Variants in USH2A observed in about 807,000 individuals in gnomAD.
USH2A encodes Usher syndrome 2A (autosomal recessive, mild).
A neutral mutation model predicts 538.9 loss-of-function variants in USH2A; 443 were observed. The ratio of observed to expected loss-of-function variants is 0.82; its 90% confidence interval spans 0.76 to 0.89. The LOEUF (loss-of-function observed/expected upper bound fraction) is 0.89. Ranked by LOEUF, USH2A falls within the 40% of genes least tolerant of loss-of-function variation. The probability of loss-of-function intolerance (pLI) is 0.00; values close to 1 mark genes in which losing one functional copy is unlikely to be tolerated. For missense variants in USH2A, 6,633 were observed against 6,324.8 expected, an observed-to-expected ratio of 1.05 and a Z score of -1.65; for synonymous variants, 2,413 against 2,273.5, an observed-to-expected ratio of 1.06 and a Z score of -1.75.
In USH2A at chr1:215,675,083, C is replaced by T. The variant is rs1174250569; in HGVS notation, c.12828G>A (p.Met4276Ile). Residue 4276 changes from methionine (M) to isoleucine (I), a missense_variant, in exon 63 of 72, where the codon ATG becomes ATA. Transcript: ENST00000307340. ...AGGAAATCAGCAGTTTTTGGGGATT[C>T]ATAGAAACATAGGATATCACAGGTG... ...LSPPVISYVSMNPQKLLISWI... is the reference protein window; with the variant it reads ...LSPPVISYVSINPQKLLISWI... The T allele has an allele frequency of 6.8e-6, 11 of 1,613,946 alleles. No homozygotes were observed. The highest frequency in any genetic ancestry group is 1.3e-5 in the African/African-American group (1 of 74,904).
chr1:215,933,491 T>C (rs908365988), intron 38 of USH2A, among the ~76,000 whole-genome samples: 3 of 152,028 alleles, frequency 2.0e-5, no homozygotes, highest in African/African-American at 7.2e-5. Context: ...ATTTACAGTT[T>C]CAAGTATTTT....
intron 44 of USH2A, among the ~76,000 whole-genome samples, chr1:215,852,298 A>T (rs1056788217): frequency 2.0e-5 from 3 of 152,142 alleles, no homozygotes; most frequent in Non-Finnish European, 4.4e-5. Flanking sequence ...CCCTTTATAA[A>T]ACCATCAGAT....
intron 27 of USH2A, among the ~76,000 whole-genome samples, chr1:216,077,588 A>C (rs1013761136): frequency 6.7e-6 from 1 of 148,946 alleles, no homozygotes; most frequent in Non-Finnish European, 1.5e-5. Flanking sequence ...TATATATATA[A>C]TTATGTATGT....
intron 25 of USH2A, among the ~76,000 whole-genome samples, chr1:216,084,157 CA>C (rs1458249597): frequency 6.6e-6 from 1 of 151,952 alleles, no homozygotes; most frequent in Non-Finnish European, 1.5e-5. Context: ...GCATGCATGT[CA>C]GGGGTAAGCT....
intron 31 of USH2A, among the ~76,000 whole-genome samples, 184 bp downstream of exon 31, chr1:216,048,350 G>C (rs933880413): frequency 6.6e-6 from 1 of 152,148 alleles, no homozygotes; most frequent in Admixed American, 6.5e-5. Context: ...TGTCATTAAA[G>C]GGTATGGAGT....
intron 22 of USH2A, among the ~76,000 whole-genome samples, chr1:216,090,912 T>G (rs2032285365): frequency 6.6e-6 from 1 of 152,148 alleles, no homozygotes; most frequent in Admixed American, 6.6e-5. Context: ...GCGTTAAAAT[T>G]GTTACAAACG....
chr1:215,955,369 A>T (rs1312932399), intron 37 of USH2A, among the ~76,000 whole-genome samples: 1 of 152,218 alleles, frequency 6.6e-6, no homozygotes, highest in African/African-American at 2.4e-5. Flanking sequence ...AATTTAGCAC[A>T]ATAAAACAAC....
intron 30 of USH2A, among the ~76,000 whole-genome samples, chr1:216,051,767 A>C (rs1366597200): frequency 6.6e-6 from 1 of 152,252 alleles, no homozygotes; most frequent in Non-Finnish European, 1.5e-5. Flanking sequence ...TGCAATCATT[A>C]GCATGAAGAT....
chr1:216,016,069 C>A (rs1460643621), intron 32 of USH2A, among the ~76,000 whole-genome samples: 1 of 152,022 alleles, frequency 6.6e-6, no homozygotes, highest in East Asian at 1.9e-4. Context: ...TGGAAACCAT[C>A]ATTCTGGGCA....
rs1660511441 is a variant in USH2A at position 215,747,713 on chromosome 1, G to T, written c.11390-4378C>A. ...CAGTTTGCAATTTGACCTTCAGCAGGAGGATATGCTGATAGAAATTTCCAT... is the reference window on the plus strand; with the variant it reads ...CAGTTTGCAATTTGACCTTCAGCAGTAGGATATGCTGATAGAAATTTCCAT... On this transcript the variant is annotated intron_variant, in intron 58 of 71. Transcript: ENST00000307340. 7.2e-5 allele frequency among the ~76,000 whole-genome samples: 11 copies of T among 152,156 alleles called. No individual in the cohort carries two copies. The South Asian group carries it at 2.3e-3, about 31-fold the overall frequency.
In USH2A at chr1:216,149,059, G is replaced by C. The variant is rs551629; in HGVS notation, c.4627+26193C>G. 8.6e-3 allele frequency among the ~76,000 whole-genome samples: 1,306 copies of C among 152,044 alleles called. 22 individuals carry two copies. Among genetic ancestry groups the C allele is most frequent in the African/African-American group, 0.028 (1,165 of 41,468 alleles). ...CTCTCAAACCCAAGCACCTTCTACA[G>C]AACAACTCCTTTCCTTCCTAGGCAT... On this transcript the variant is annotated intron_variant, in intron 21 of 71. Coordinates refer to ENST00000307340, the MANE Select transcript of USH2A (RefSeq NM_206933.4).
intron 10 of USH2A, among the ~76,000 whole-genome samples, chr1:216,289,870 T>C (rs1467992112): frequency 6.6e-6 from 1 of 152,190 alleles, no homozygotes; most frequent in African/African-American, 2.4e-5. Context: ...TCTCTTAATA[T>C]AATTTATTAT....
At chr1:216,091,247 G>C (rs890158111) in intron 22 of USH2A, among the ~76,000 whole-genome samples, 1 of 152,138 alleles carries the variant, frequency 6.6e-6, no homozygotes, top group Non-Finnish European at 1.5e-5. Flanking sequence ...ATTCAGAATT[G>C]TTTTAAAGCT....
chr1:215,857,074 G>A (rs1664191066), intron 44 of USH2A, among the ~76,000 whole-genome samples: 1 of 152,064 alleles, frequency 6.6e-6, no homozygotes, highest in African/African-American at 2.4e-5. Context: ...GGGAGTGGGT[G>A]GAAGGGAGGC....
intron 49 of USH2A, among the ~76,000 whole-genome samples, chr1:215,804,870 A>T (rs1662448894): frequency 6.6e-6 from 1 of 152,190 alleles, no homozygotes; most frequent in African/African-American, 2.4e-5. Context: ...AATAGCAAAG[A>T]CTTGGAACCA....
intron 70 of USH2A, among the ~76,000 whole-genome samples, chr1:215,633,756 C>T (rs1179703016): frequency 6.6e-6 from 1 of 152,176 alleles, no homozygotes; most frequent in African/African-American, 2.4e-5. Context: ...TTTCCTCCTC[C>T]AGGTAGACAT....
At chr1:215,783,864 G>A (rs1280745175) in intron 52 of USH2A, among the ~76,000 whole-genome samples, 6 of 152,104 alleles carry the variant, frequency 3.9e-5, no homozygotes, top group Non-Finnish European at 5.9e-5. Context: ...TCCATTGGAC[G>A]TGGAGTTAAT....
intron 54 of USH2A, among the ~76,000 whole-genome samples, chr1:215,781,590 G>A (rs1245373529): frequency 6.6e-6 from 1 of 152,090 alleles, no homozygotes; most frequent in African/African-American, 2.4e-5. Flanking sequence ...TCTTGACAAG[G>A]CTATAGCAGA....
chr1:215,846,741 T>C (rs1217884675), intron 44 of USH2A, among the ~76,000 whole-genome samples: 1 of 152,212 alleles, frequency 6.6e-6, no homozygotes, highest in Non-Finnish European at 1.5e-5. Flanking sequence ...CTTCTGCTCA[T>C]AAGTAACATA....
Sources: gnomAD v4.1 joint callset for allele counts (sites outside exome capture counted in the v4.1 genomes callset) on GRCh38, gnomAD v4.1.1 for gene constraint, MANE v1.5 for transcripts, NCBI Gene and HGNC (gene_info 2026-07-23, HGNC 2026-07-21) for gene names.